The following ZNF469 variants were observed in gnomAD, a reference collection of about 807,000 sequenced individuals.
ZNF469 encodes the protein zinc finger protein 469.
Under a neutral mutation model 1.0 loss-of-function variants are expected in ZNF469, and 1 was observed. The ratio of observed to expected loss-of-function variants is 1.00; its 90% CI spans 0.35 to 4.73. ZNF469 has a LOEUF of 4.73. Among genes scored for constraint, ZNF469 ranks in the 30% most tolerant of loss-of-function variants. The probability of loss-of-function intolerance (pLI) is 0.16; values close to 1 mark genes in which losing one functional copy is unlikely to be tolerated. For missense variants in ZNF469, 6,100 were observed against 5,356.3 expected (o/e 1.14, Z -4.33); for synonymous variants, 2,703 against 2,363.4 (o/e 1.14, Z -4.17).
chr16:88,327,236 C>T, the ZNF469 span, among the ~76,000 whole-genome samples: 5 of 152,206 alleles, frequency 3.3e-5, no homozygotes, highest in Admixed American at 6.5e-5. Context: ...CTTCTCACAC[C>T]AGCCCCTGCC....
intron 1 of ZNF469, among the ~76,000 whole-genome samples, chr16:88,397,364 G>T (rs1904715778): frequency 1.3e-5 from 2 of 152,210 alleles, no homozygotes; most frequent in South Asian, 2.1e-4. Flanking sequence ...TGTGGCCTGG[G>T]AGTGCCTTTC....
At chr16:88,422,546 TGGG>T (rs1201102320) in intron 1 of ZNF469, among the ~76,000 whole-genome samples, 1 of 74,040 alleles carries the variant, frequency 1.4e-5, no homozygotes, top group African/African-American at 5.5e-5. Flanking sequence ...GGCAGGTGGA[TGGG>T]GGGATGGGCG....
At chr16:88,280,947 G>T in the ZNF469 span, among the ~76,000 whole-genome samples, 4 of 151,818 alleles carry the variant, frequency 2.6e-5, no homozygotes, top group Non-Finnish European at 5.9e-5. Flanking sequence ...TGCTTGGTCA[G>T]TACCATGCAT....
the ZNF469 span, among the ~76,000 whole-genome samples, chr16:88,320,537 CCAT>C: frequency 6.6e-6 from 1 of 152,206 alleles, no homozygotes; most frequent in Non-Finnish European, 1.5e-5. Flanking sequence ...GCGCCCACCA[CCAT>C]ATCTGGCTAG....
At chr16:88,356,550 G>A in the ZNF469 span, among the ~76,000 whole-genome samples, 1 of 152,110 alleles carries the variant, frequency 6.6e-6, no homozygotes, top group African/African-American at 2.4e-5. Context: ...GTGTTGACGT[G>A]TGCCTGTGTG....
the ZNF469 span, among the ~76,000 whole-genome samples, chr16:88,321,745 C>G: frequency 6.6e-6 from 1 of 152,188 alleles, no homozygotes; most frequent in African/African-American, 2.4e-5. Flanking sequence ...TTGGCTTCTG[C>G]ACATGAGGCC....
the ZNF469 span, among the ~76,000 whole-genome samples, chr16:88,336,560 AT>A: frequency 6.6e-6 from 1 of 151,460 alleles, no homozygotes; most frequent in Admixed American, 6.6e-5. Flanking sequence ...AATACCACAC[AT>A]GTTCATCCTT....
the ZNF469 span, among the ~76,000 whole-genome samples, chr16:88,207,763 C>T: frequency 2.1e-5 from 3 of 142,812 alleles, no homozygotes; most frequent in Non-Finnish European, 4.7e-5. Context: ...GGTTACAGTG[C>T]CTCCTCTCCT....
At position 88,428,711 on chromosome 16, in the gene ZNF469, G is replaced by C. The variant is rs1395977080; in HGVS notation, c.1241G>C (p.Ser414Thr). The change falls in exon 3 of 3, where the codon AGT (serine) becomes ACT (threonine). Residue 414 changes from serine to threonine, a missense_variant. Coordinates refer to ENST00000565624, the MANE Select transcript of ZNF469 (RefSeq NM_001367624.2). ...RHFPGQAYRA[S>T]GVDTSPGPPD... The stretch of plus-strand genomic sequence containing the variant: ...TTTCCAGGGCAGGCGTACAGAGCCA[G>C]TGGGGTGGACACCAGCCCGGGGCCT... 2 of 1,548,774 alleles carry C rather than the reference G, an allele frequency of 1.3e-6. No homozygotes were observed. The highest frequency in any genetic ancestry group is 8.7e-7 in the Non-Finnish European group (1 of 1,146,768).
At chr16:88,248,893 C>G in the ZNF469 span, among the ~76,000 whole-genome samples, 4 of 152,154 alleles carry the variant, frequency 2.6e-5, no homozygotes, top group African/African-American at 9.7e-5. Context: ...GATGATCTCT[C>G]TGTGTGCGCA....
chr16:88,308,249 G>A, the ZNF469 span, among the ~76,000 whole-genome samples: 4 of 152,274 alleles, frequency 2.6e-5, no homozygotes, highest in South Asian at 6.2e-4. Context: ...CATCAGCTTT[G>A]AAAGTGGGAT....
chr16:88,285,510 G>A, the ZNF469 span, among the ~76,000 whole-genome samples: 1 of 152,272 alleles, frequency 6.6e-6, no homozygotes. Context: ...GCCACAAAGA[G>A]CAGGGTCAGC....
At chr16:88,394,233 C>T (rs1199192580) in intron 1 of ZNF469, among the ~76,000 whole-genome samples, 16,671 of 109,490 alleles carry the variant, frequency 0.15, 3,306 homozygotes, top group Non-Finnish European at 0.2. Context: ...CTGTGCTGTC[C>T]AAGAGGAGCA....
rs763317477 is a variant in ZNF469, at chr16:88,438,042, C to G, written c.10572C>G (p.Pro3524=). The change falls in exon 3 of 3, where the codon CCC becomes CCG. Residue 3524 remains proline (P), a synonymous_variant. Coordinates refer to ENST00000565624, the MANE Select transcript of ZNF469 (RefSeq NM_001367624.2). ...CTCCCAGCACCACCAAGGGATGGCC[C>G]GAGACCCTAGAGAGGCCTGTAGACC... ...EVAPSTTKGW[P]ETLERPVDPV... 4.5e-6 allele frequency: 7 copies of G among 1,550,130 alleles called. No individual in the cohort carries two copies. The highest frequency in any genetic ancestry group is 1.4e-5 in the African/African-American group (1 of 73,054).
At chr16:88,392,966 C>G (rs8054022) in intron 1 of ZNF469, among the ~76,000 whole-genome samples, 37,056 of 152,228 alleles carry the variant, frequency 0.24, 4,897 homozygotes, top group African/African-American at 0.34. Flanking sequence ...TCACCCAGCT[C>G]TTTGAGTCCC....
chr16:88,411,461 T>TGCAAGCAGGCAGGGGTGCAAGC (rs1567504055), intron 1 of ZNF469, among the ~76,000 whole-genome samples: 8 of 142,232 alleles, frequency 5.6e-5, no homozygotes, highest in African/African-American at 2.2e-4. Context: ...GGGGTGCGAG[T>TGCAAGCAGGCAGGGGTGCAAGC]GGGCAGGGGT....
intron 1 of ZNF469, among the ~76,000 whole-genome samples, chr16:88,390,180 C>T (rs1904445244): frequency 6.6e-6 from 1 of 152,218 alleles, no homozygotes; most frequent in African/African-American, 2.4e-5. Flanking sequence ...GGCAGAGGGG[C>T]TCACGGAGGT....
chr16:88,218,821 T>C, the ZNF469 span, among the ~76,000 whole-genome samples: 1 of 150,798 alleles, frequency 6.6e-6, no homozygotes, highest in East Asian at 1.9e-4. Context: ...AAAGAGGAAG[T>C]CAAATTGTCC....
the ZNF469 span, among the ~76,000 whole-genome samples, chr16:88,355,198 C>A: frequency 1.3e-5 from 2 of 152,224 alleles, no homozygotes; most frequent in Non-Finnish European, 2.9e-5. Flanking sequence ...ATCACGCCCC[C>A]TCCCAGAGTC....
Sources: allele counts gnomAD v4.1 joint callset (sites outside exome capture counted in the v4.1 genomes callset), GRCh38; gene constraint gnomAD v4.1.1; transcripts MANE v1.5; gene names NCBI Gene and HGNC (gene_info 2026-07-23, HGNC 2026-07-21).